DCBLD2: variants seen among roughly 807,000 people sequenced by gnomAD.
DCBLD2 encodes the protein discoidin, CUB and LCCL domain-containing protein 2.
A neutral mutation model predicts 86.8 loss-of-function variants in DCBLD2; 54 were observed. That is an observed-to-expected ratio of 0.62 (90% CI 0.50 to 0.78). DCBLD2 has a LOEUF of 0.78. Among genes scored for constraint, DCBLD2 ranks in the 30% least tolerant of loss-of-function variants. The pLI is 0.00. For missense variants in DCBLD2, 908 were observed against 954.2 expected (o/e 0.95, Z 0.64); for synonymous variants, 354 against 341.3 (o/e 1.04, Z -0.41).
At position 98,798,321 on chromosome 3, in the gene DCBLD2, G is replaced by GA. The variant is rs1302670244; in HGVS notation, c.*1050dup. The GA allele has an allele frequency of 1.3e-5, 2 of 152,128 alleles. No individual in the cohort carries two copies. Among genetic ancestry groups the GA allele is most frequent in the Non-Finnish European group, 2.9e-5 (2 of 68,000 alleles). 9.4% of individuals were successfully genotyped at this position (152,128 alleles called of 1,614,324 possible). ...AAATATAAAATACCTTGAGACTCAA[G>GA]AAAAATGTATATGTTTGTGAATGTA... On this transcript the variant is annotated 3_prime_UTR_variant, in exon 16 of 16. Coordinates refer to ENST00000326840, the MANE Select transcript of DCBLD2 (RefSeq NM_080927.4).
intron 8 of DCBLD2, among the ~76,000 whole-genome samples, chr3:98,818,960 T>A (rs756301918): frequency 8.5e-5 from 13 of 152,172 alleles, no homozygotes; most frequent in Non-Finnish European, 1.3e-4. Flanking sequence ...AACTCCCCTT[T>A]ATATATACAT....
chr3:98,824,068 A>G (rs748207266), intron 4 of DCBLD2, among the ~76,000 whole-genome samples: 28 of 152,200 alleles, frequency 1.8e-4, no homozygotes, highest in Admixed American at 5.9e-4. Context: ...CAGTGCAAGT[A>G]GGTGCCAGAG....
At position 98,901,119 on chromosome 3, in the gene DCBLD2, C is replaced by A; in HGVS notation, c.205+3G>T. 1 of 1,539,724 alleles carries A rather than the reference C, an allele frequency of 6.5e-7. No individual in the cohort carries two copies. The highest frequency in any genetic ancestry group is 2.4e-5 in the East Asian group (1 of 40,900). ...CGCCGCTCACTCCCCTGGGACCACT[C>A]ACCTTGCTGGGCTCCAGCGTCCTCG... is the stretch of plus-strand genomic sequence containing the variant. On this transcript the variant is annotated splice_donor_region_variant and intron_variant, in intron 1 of 15. Coordinates refer to ENST00000326840, the MANE Select transcript of DCBLD2 (RefSeq NM_080927.4).
At chr3:98,875,535 G>A (rs1355968285) in intron 2 of DCBLD2, among the ~76,000 whole-genome samples, 6 of 152,116 alleles carry the variant, frequency 3.9e-5, no homozygotes, top group Non-Finnish European at 7.4e-5. Context: ...TTTTTGTGGA[G>A]TTAGATAAGC....
chr3:98,888,240 T>A (rs775335162), intron 1 of DCBLD2, among the ~76,000 whole-genome samples: 7 of 151,974 alleles, frequency 4.6e-5, no homozygotes, highest in Admixed American at 3.3e-4. Flanking sequence ...ACCATTTTTT[T>A]AAAAAGACAT....
At chr3:98,859,251 A>T (rs572067633) in intron 2 of DCBLD2, among the ~76,000 whole-genome samples, 1 of 152,176 alleles carries the variant, frequency 6.6e-6, no homozygotes, top group Non-Finnish European at 1.5e-5. Context: ...GTGGAGCCCA[A>T]CGCAGCTCAA....
At chr3:98,838,565 G>A (rs1432660815) in intron 3 of DCBLD2, among the ~76,000 whole-genome samples, 2 of 148,642 alleles carry the variant, frequency 1.3e-5, no homozygotes, top group African/African-American at 4.9e-5. Context: ...TTTCCAGACT[G>A]GGCAGCCAGG....
intron 2 of DCBLD2, among the ~76,000 whole-genome samples, chr3:98,852,643 T>C (rs147635126): frequency 2.6e-5 from 4 of 152,222 alleles, no homozygotes; most frequent in African/African-American, 4.8e-5. Flanking sequence ...TGGGTAAGCC[T>C]GAACTAATCA....
intron 2 of DCBLD2, among the ~76,000 whole-genome samples, chr3:98,867,750 T>A (rs1435198599): frequency 1.5e-5 from 2 of 130,660 alleles, no homozygotes; most frequent in African/African-American, 5.5e-5. Flanking sequence ...AGTAAGGGAA[T>A]CATGGAAAAG....
intron 3 of DCBLD2, among the ~76,000 whole-genome samples, chr3:98,829,754 G>A (rs1942287901): frequency 6.6e-6 from 1 of 152,108 alleles, no homozygotes; most frequent in Non-Finnish European, 1.5e-5. Flanking sequence ...ATATTCCTCT[G>A]GGTATATACC....
chr3:98,857,115 C>T (rs1290114715), intron 2 of DCBLD2, among the ~76,000 whole-genome samples: 1 of 152,170 alleles, frequency 6.6e-6, no homozygotes, highest in Non-Finnish European at 1.5e-5. Flanking sequence ...CGTGGTCTCA[C>T]TGGCTCAGGA....
intron 13 of DCBLD2, among the ~76,000 whole-genome samples, chr3:98,802,241 C>T (rs1043976403): frequency 1.3e-5 from 2 of 152,090 alleles, no homozygotes; most frequent in African/African-American, 2.4e-5. Flanking sequence ...TTTTAATGAT[C>T]ACCATTCTAA....
intron 2 of DCBLD2, among the ~76,000 whole-genome samples, chr3:98,859,307 T>C (rs1942995970): frequency 6.6e-6 from 1 of 152,150 alleles, no homozygotes; most frequent in Admixed American, 6.5e-5. Flanking sequence ...GGGCAGGGCA[T>C]AGCCAAACAA....
intron 1 of DCBLD2, among the ~76,000 whole-genome samples, chr3:98,882,788 A>G (rs1033229832): frequency 2.0e-5 from 3 of 152,184 alleles, no homozygotes; most frequent in Non-Finnish European, 4.4e-5. Context: ...TCCATGGTGT[A>G]TATGTGCCAC....
At chr3:98,899,854 T>TA (rs1181762197) in intron 1 of DCBLD2, among the ~76,000 whole-genome samples, 1 of 152,160 alleles carries the variant, frequency 6.6e-6, no homozygotes, top group African/African-American at 2.4e-5. Context: ...AGCCACAAAG[T>TA]AAGCCCTAAG....
chr3:98,901,555 G>A lies in DCBLD2; in HGVS notation c.-229C>T. 2.7e-6 allele frequency: 1 copy of A among 365,666 alleles called. No homozygotes were observed. Among genetic ancestry groups the A allele is most frequent in the Non-Finnish European group, 4.7e-6 (1 of 211,260 alleles). 22.7% of individuals were successfully genotyped at this position (365,666 alleles called of 1,614,324 possible). A position where few individuals can be genotyped will look rare whatever the true frequency, so the allele number is the denominator to read the frequency against. ...GACCCCAGGCCGGAGCGCAGGGGAGGGGAGGGAAGGAAGCGGAGTCCTCGA... is the reference window on the plus strand; with the variant it reads ...GACCCCAGGCCGGAGCGCAGGGGAGAGGAGGGAAGGAAGCGGAGTCCTCGA... On this transcript the variant is annotated 5_prime_UTR_variant, in exon 1 of 16. Transcript: ENST00000326840.
At chr3:98,815,494 A>G (rs1942004611) in intron 9 of DCBLD2, 1 of 152,234 alleles carries the variant, frequency 6.6e-6, no homozygotes, top group South Asian at 2.1e-4. Context: ...AATAACAAAA[A>G]ACCCCAGCAC....
intron 3 of DCBLD2, among the ~76,000 whole-genome samples, chr3:98,836,062 G>A (rs568818634): frequency 9.0e-6 from 1 of 110,902 alleles, no homozygotes; most frequent in South Asian, 2.7e-4. Flanking sequence ...CTGTGTGTGT[G>A]TGTATGTGTG....
In DCBLD2 at chr3:98,798,953, A is replaced by G. The variant is rs918812403; in HGVS notation, c.*419T>C. The G allele has an allele frequency of 6.4e-6, 1 of 156,010 alleles. No homozygotes were observed. The highest frequency in any genetic ancestry group is 1.4e-5 in the Non-Finnish European group (1 of 70,362). 9.7% of individuals were successfully genotyped at this position (156,010 alleles called of 1,614,324 possible). On this transcript the variant is annotated 3_prime_UTR_variant, in exon 16 of 16. Transcript: ENST00000326840. ...AATCATGATAGTACCCATCTTTCAC[A>G]AACAGACTAGAATTTCAAGCCATTA...
Sources: gnomAD v4.1 joint callset for allele counts (sites outside exome capture counted in the v4.1 genomes callset) on GRCh38, gnomAD v4.1.1 for gene constraint, MANE v1.5 for transcripts, NCBI Gene and HGNC (gene_info 2026-07-23, HGNC 2026-07-21) for gene names.